Variants in NFE2L1 observed in about 807,000 individuals in gnomAD.
NFE2L1 encodes the protein endoplasmic reticulum membrane sensor NFE2L1.
NFE2L1 carries 18 observed loss-of-function variants against 61.6 expected under a neutral mutation model. That is an observed-to-expected ratio of 0.29 (90% CI 0.20 to 0.43). The LOEUF (loss-of-function observed/expected upper bound fraction) is 0.43. Among genes scored for constraint, NFE2L1 ranks in the 20% least tolerant of loss-of-function variants. The pLI, the probability that NFE2L1 is intolerant of heterozygous loss-of-function variation, is 1.00. For synonymous variants in NFE2L1, 419 were observed against 402.7 expected (o/e 1.04, Z -0.48); for missense variants, 827 against 973.5 (o/e 0.85, Z 2.00).
At position 48,057,375 on chromosome 17, in the gene NFE2L1, C is replaced by T. The variant is rs774414783; in HGVS notation, c.845C>T (p.Ala282Val). 6 of 1,613,988 alleles carry T rather than the reference C, an allele frequency of 3.7e-6. No individual in the cohort carries two copies. The highest frequency in any genetic ancestry group is 3.3e-5 in the Admixed American group (2 of 59,986). Reference protein sequence around the residue: ...FPADISSITEAVPSESEPPAL... With the variant: ...FPADISSITEVVPSESEPPAL... ...GCAGACATTTCCAGCATAACAGAAGCAGTGCCTAGTGAGAGTGAGCCCCCT... is the reference window on the plus strand; with the variant it reads ...GCAGACATTTCCAGCATAACAGAAGTAGTGCCTAGTGAGAGTGAGCCCCCT... The change falls in exon 5 of 6, where the codon GCA becomes GTA. Residue 282 changes from alanine to valine, a missense_variant. By Grantham distance (64) the Ala-to-Val change is moderately conservative. Transcript: ENST00000362042.
rs1282729066 is a variant in NFE2L1 at position 48,056,549 on chromosome 17, C to A, written c.674C>A (p.Ala225Glu). ...GCAGGCGAGGGCGCGGAAGCTCTGG[C>A]ACGGAACCTGCTAGTGGATGGAGAG... ...TWAGEGAEAL[A>E]RNLLVDGETG... The change falls in exon 3 of 6, where the codon GCA becomes GAA. Residue 225 changes from alanine to glutamate, a missense_variant. This residue lies in a region of NFE2L1 where 667 missense variants were observed against 748.4 expected (regional missense o/e 0.89). Transcript: ENST00000362042. The A allele has an allele frequency of 6.2e-7, 1 of 1,613,958 alleles. No homozygotes were observed. Among genetic ancestry groups the A allele is most frequent in the Non-Finnish European group, 8.5e-7 (1 of 1,179,990 alleles).
chr17:48,051,125 T>C lies in NFE2L1; in HGVS notation c.7T>C (p.Ser3Pro), dbSNP rs1432387258. 5.6e-6 allele frequency: 9 copies of C among 1,614,200 alleles called. No individual in the cohort carries two copies. In the South Asian group the frequency reaches 7.7e-5, roughly 14 times the overall value. ...ACATTCTGGTCCTTCAGCAATGCTT[T>C]CTCTGAAGAAATACTTAACGGAAGG... ML[S>P]LKKYLTEGLL... is the part of the protein sequence containing the mutation. Residue 3 changes from serine (S) to proline (P), a missense_variant, in exon 2 of 6, where the codon TCT becomes CCT. Physicochemically the swap from Ser to Pro is moderately conservative, Grantham distance 74 (BLOSUM62 -1). This residue lies in a region of NFE2L1 where 667 missense variants were observed against 748.4 expected (regional missense o/e 0.89). Coordinates refer to ENST00000362042, the MANE Select transcript of NFE2L1 (RefSeq NM_003204.3).
chr17:48,057,020 C>T lies in NFE2L1; in HGVS notation c.724-12C>T. ...CCCAGGTCAATCAGACTTACAGTTC[C>T]TGTTGCCACAGGTGCCTAGTGGGGA... On this transcript the variant is annotated splice_polypyrimidine_tract_variant and intron_variant, in intron 3 of 5. Coordinates refer to ENST00000362042, the MANE Select transcript of NFE2L1 (RefSeq NM_003204.3). The T allele has an allele frequency of 6.2e-7, 1 of 1,613,942 alleles. No individual in the cohort carries two copies. Among genetic ancestry groups the T allele is most frequent in the Non-Finnish European group, 8.5e-7 (1 of 1,179,892 alleles).
In NFE2L1 at chr17:48,051,928, G is replaced by A. The variant is rs113822779; in HGVS notation, c.510+300G>A. On this transcript the variant is annotated intron_variant, in intron 2 of 5. Transcript: ENST00000362042. ...AGCGTGACTGCTGGAGGCCTGGGGT[G>A]GGGGAGGAGTCATGTTGTGATGGGC... is the stretch of plus-strand genomic sequence containing the variant. Among the ~76,000 whole-genome samples the A allele has an allele frequency of 2.8e-3, 422 of 152,250 alleles. 3 individuals are homozygous for A. Among genetic ancestry groups the A allele is most frequent in the African/African-American group, 9.8e-3 (408 of 41,536 alleles).
chr17:48,050,469 ACT>A (rs971672640), intron 1 of NFE2L1, 136 bp from the exon 2 acceptor site: 17 of 387,316 alleles, frequency 4.4e-5, no homozygotes, highest in African/African-American at 8.4e-5. Flanking sequence ...ACAGAGTGAG[ACT>A]CTGTCTCAAA....
intron 5 of NFE2L1, 127 bp downstream of exon 5, chr17:48,057,629 A>G: frequency 8.1e-7 from 1 of 1,232,432 alleles, no homozygotes; most frequent in Non-Finnish European, 1.1e-6. Flanking sequence ...AAGTGGGGAC[A>G]ATGAGAAGAA....
At position 48,051,536 on chromosome 17, in the gene NFE2L1, G is replaced by C. The variant is rs778002339; in HGVS notation, c.418G>C (p.Val140Leu). Residue 140 changes from valine to leucine, a missense_variant, in exon 2 of 6, where the codon GTG becomes CTG. Val to Leu is a conservative substitution (Grantham distance 32). Around this residue, in one of 3 missense-constraint regions of NFE2L1, gnomAD observed 667 missense variants for 748.4 expected, o/e 0.89. Transcript: ENST00000362042. ...AGATGTGACAGGCCCAGACAACGGG[G>C]TGCGAGAAAGCGAAACGGAGCAGGG... ...LQDVTGPDNG[V>L]RESETEQGFG... is the part of the protein sequence containing the mutation. The C allele has an allele frequency of 1.2e-6, 2 of 1,614,220 alleles. No homozygotes were observed. The highest frequency in any genetic ancestry group is 2.7e-5 in the African/African-American group (2 of 75,064).
Position 48,051,612 on chromosome 17 carries a change from G to A in NFE2L1, c.494G>A (p.Gly165Glu). Residue 165 changes from glycine (G) to glutamate (E), a missense_variant, in exon 2 of 6, where the codon GGA (glycine) becomes GAA (glutamate). By Grantham distance (98) the Gly-to-Glu change is moderately conservative. This residue lies in a region of NFE2L1 where 667 missense variants were observed against 748.4 expected (regional missense o/e 0.89). Transcript: ENST00000362042. ...GGGGCTGTAGCCCCCCCAGTCAGTGGAGACTTAACCAAAGAGGTTAGTGGA... is the reference window on the plus strand; with the variant it reads ...GGGGCTGTAGCCCCCCCAGTCAGTGAAGACTTAACCAAAGAGGTTAGTGGA... ...DLGAVAPPVSGDLTKEDIDLI... is the reference protein window; with the variant it reads ...DLGAVAPPVSEDLTKEDIDLI... 1 of 1,613,062 alleles carries A rather than the reference G, an allele frequency of 6.2e-7. No homozygotes were observed. Among genetic ancestry groups the A allele is most frequent in the Non-Finnish European group, 8.5e-7 (1 of 1,179,406 alleles).
Position 48,050,889 on chromosome 17 carries a change from G to T in NFE2L1, c.-230G>T. On this transcript the variant is annotated 5_prime_UTR_variant, in exon 2 of 6. Coordinates refer to ENST00000362042, the MANE Select transcript of NFE2L1 (RefSeq NM_003204.3). ...GTTGTACTTTCAGAGGTGAGGTGTC[G>T]AGAAGGGAAAGTGAATGTGGTCTGG... 1 of 609,494 alleles carries T rather than the reference G, an allele frequency of 1.6e-6. No individual in the cohort carries two copies. Among genetic ancestry groups the T allele is most frequent in the Non-Finnish European group, 2.9e-6 (1 of 344,990 alleles). 37.8% of individuals were successfully genotyped at this position (609,494 alleles called of 1,614,324 possible). A position where few individuals can be genotyped will look rare whatever the true frequency, so the allele number is the denominator to read the frequency against.
At chr17:48,051,667 TG>T in intron 2 of NFE2L1, 39 bp downstream of exon 2, 1 of 1,564,518 alleles carries the variant, frequency 6.4e-7, no homozygotes. Flanking sequence ...GCCTGGGGCT[TG>T]GGGGTGGGCT....
Position 48,058,314 on chromosome 17 carries a change from C to T in NFE2L1, c.992C>T (p.Ser331Leu). 1 of 1,595,926 alleles carries T rather than the reference C, an allele frequency of 6.3e-7. No individual in the cohort carries two copies. Among genetic ancestry groups the T allele is most frequent in the Non-Finnish European group, 8.6e-7 (1 of 1,168,622 alleles). ...TCCCAGGCCATGGAAGTGAACACAT[C>T]AGCAAGTGAAATCCTGTACAGTGCC... ...MEMQAMEVNT[S>L]ASEILYSAPP... The change falls in exon 6 of 6, where the codon TCA becomes TTA. Residue 331 changes from serine (S) to leucine (L), a missense_variant. Ser to Leu is a moderately radical substitution (Grantham distance 145). Transcript: ENST00000362042.
At chr17:48,057,166 C>G (rs1322389278) in intron 4 of NFE2L1, 45 bp downstream of exon 4, 7 of 1,605,892 alleles carry the variant, frequency 4.4e-6, no homozygotes, top group South Asian at 1.1e-5. Context: ...GCAGGGCAGC[C>G]TGTACCTGGT....
chr17:48,059,762 A>C lies in NFE2L1; in HGVS notation c.*121A>C. The C allele has an allele frequency of 2.2e-6, 3 of 1,379,178 alleles. No homozygotes were observed. The South Asian group carries it at 4.6e-5, about 21-fold the overall frequency. 85.4% of individuals were successfully genotyped at this position (1,379,178 alleles called of 1,614,324 possible). On this transcript the variant is annotated 3_prime_UTR_variant, in exon 6 of 6. Transcript: ENST00000362042. This position sits in a 1 kb window ranked among gnomAD's most constrained non-coding sequence, Gnocchi z 6.1. ...GCCTTCTTATCCAATATATCTTCTC[A>C]GATGGGATGACTGCGGGTCAGTGTA...
At chr17:48,052,400 G>A (rs17680229) in intron 2 of NFE2L1, among the ~76,000 whole-genome samples, 14,552 of 152,234 alleles carry the variant, frequency 0.096, 934 homozygotes, top group Non-Finnish European at 0.15. Context: ...TTTGAGCTCT[G>A]GGTTTGTATG....
At chr17:48,050,054 A>T (rs2037209395) in intron 1 of NFE2L1, among the ~76,000 whole-genome samples, 1 of 152,210 alleles carries the variant, frequency 6.6e-6, no homozygotes. Flanking sequence ...ACATTTTAGG[A>T]TATTGCACAT....
chr17:48,048,909 C>T (rs2037163181), intron 1 of NFE2L1: 1 of 152,562 alleles, frequency 6.6e-6, no homozygotes, highest in Non-Finnish European at 1.5e-5. Context: ...GGGCCCTGCA[C>T]CTACTTGATT....
At chr17:48,054,536 G>A (rs1249816376) in intron 2 of NFE2L1, 3 of 1,183,226 alleles carry the variant, frequency 2.5e-6, no homozygotes, top group Non-Finnish European at 3.2e-6. Flanking sequence ...GGCTCTTTGC[G>A]CAGCCCAGCT....
chr17:48,049,626 C>T (rs2037195053), intron 1 of NFE2L1, among the ~76,000 whole-genome samples: 1 of 152,252 alleles, frequency 6.6e-6, no homozygotes, highest in African/African-American at 2.4e-5. Flanking sequence ...CTCCCGACCT[C>T]GGGTGATCCG....
At position 48,058,295 on chromosome 17, in the gene NFE2L1, G is replaced by A; in HGVS notation, c.973G>A (p.Ala325Thr). The A allele has an allele frequency of 1.3e-6, 2 of 1,566,764 alleles. No individual in the cohort carries two copies. The highest frequency in any genetic ancestry group is 8.7e-7 in the Non-Finnish European group (1 of 1,152,530). ...QDLMSIMEMQ[A>T]MEVNTSASEI... The stretch of plus-strand genomic sequence containing the variant: ...CAGTGGTGCTCTTCTCCCCTCCCAG[G>A]CCATGGAAGTGAACACATCAGCAAG... The change falls in exon 6 of 6, where the codon GCC becomes ACC. Residue 325 changes from alanine to threonine, a missense_variant and splice_region_variant. This residue lies in a region of NFE2L1 where 667 missense variants were observed against 748.4 expected (regional missense o/e 0.89). Transcript: ENST00000362042.
Sources: gnomAD v4.1 joint callset for allele counts (sites outside exome capture counted in the v4.1 genomes callset) on GRCh38, gnomAD v4.1.1 for gene constraint, gnomAD v4.1.1 regional missense constraint, Gnocchi (gnomAD v3.1) non-coding constraint, MANE v1.5 for transcripts, NCBI Gene and HGNC (gene_info 2026-07-23, HGNC 2026-07-21) for gene names.